Variants in CYP4Z1 observed in about 807,000 individuals in gnomAD.
CYP4Z1 encodes cytochrome P450 family 4 subfamily Z member 1, also known as cytochrome P450 4Z1.
A neutral mutation model predicts 54.2 loss-of-function variants in CYP4Z1; 41 were observed. The ratio of observed to expected loss-of-function variants is 0.76; its 90% CI spans 0.59 to 0.98. The LOEUF is 0.98. CYP4Z1 is among the 50% of genes least tolerant of loss of function. CYP4Z1 has a pLI of 0.00. For missense variants in CYP4Z1, 513 were observed against 599.0 expected, an observed-to-expected ratio of 0.86 and a Z score of 1.50; for synonymous variants, 163 against 206.2, an observed-to-expected ratio of 0.79 and a Z score of 1.79.
At chr1:47,105,995 G>A in intron 8 of CYP4Z1, 133 bp from the exon 9 acceptor site, 4 of 1,085,204 alleles carry the variant, frequency 3.7e-6, no homozygotes, top group Non-Finnish European at 5.3e-6. Context: ...AGACATACTT[G>A]ATACATCTGA....
At chr1:47,085,513 T>A (rs1162047644) in intron 6 of CYP4Z1, among the ~76,000 whole-genome samples, 1 of 152,210 alleles carries the variant, frequency 6.6e-6, no homozygotes, top group Non-Finnish European at 1.5e-5. Context: ...TTTATCTTGA[T>A]AAAATTGGCC....
At chr1:47,106,106 T>TTCC (rs777856214) in intron 8 of CYP4Z1, 22 bp from the exon 9 acceptor site, 1 of 1,602,372 alleles carries the variant, frequency 6.2e-7, no homozygotes, top group East Asian at 2.2e-5. Flanking sequence ...TCCTTTTCCT[T>TTCC]TCCTCCTGTG....
intron 9 of CYP4Z1, among the ~76,000 whole-genome samples, chr1:47,107,324 A>G (rs575827739): frequency 6.6e-6 from 1 of 152,228 alleles, no homozygotes; most frequent in South Asian, 2.1e-4. Context: ...GTGGGACTCT[A>G]GAGTCTGCGC....
At chr1:47,109,292 G>C (rs1644777058) in intron 9 of CYP4Z1, among the ~76,000 whole-genome samples, 1 of 152,126 alleles carries the variant, frequency 6.6e-6, no homozygotes, top group African/African-American at 2.4e-5. Context: ...AACAAGAAGA[G>C]AAATTCCCAG....
chr1:47,091,444 T>A (rs1644637357), intron 6 of CYP4Z1, among the ~76,000 whole-genome samples: 1 of 145,260 alleles, frequency 6.9e-6, no homozygotes, highest in African/African-American at 2.7e-5. Flanking sequence ...TTATAGGAGG[T>A]CCATTGGCGG....
At chr1:47,105,361 T>C (rs867970215) in intron 8 of CYP4Z1, among the ~76,000 whole-genome samples, 119 of 152,108 alleles carry the variant, frequency 7.8e-4, no homozygotes, top group African/African-American at 2.6e-3. Flanking sequence ...GGACCCAGTG[T>C]GAGCTCTCTC....
rs1644471087 is a variant in CYP4Z1 at position 47,068,770 on chromosome 1, A to AC, written c.319+9dup. The AC allele has an allele frequency of 4.3e-6, 7 of 1,613,612 alleles. 2 individuals carry two copies. On this transcript the variant is annotated splice_region_variant and intron_variant, in intron 2 of 11. Coordinates refer to ENST00000334194, the MANE Select transcript of CYP4Z1 (RefSeq NM_178134.3). ...ATTCTCCTGAAAAGACAAGGTAAAAACCAAGAGGGGCTCACAGTACAGAGC... is the reference window on the plus strand; with the variant it reads ...ATTCTCCTGAAAAGACAAGGTAAAAACCCAAGAGGGGCTCACAGTACAGAGC...
chr1:47,115,486 T>G (rs1024530511), intron 9 of CYP4Z1, 43 bp from the exon 10 acceptor site: 12 of 1,523,048 alleles, frequency 7.9e-6, no homozygotes, highest in Non-Finnish European at 9.9e-6. Context: ...AAAGACAGAA[T>G]CTTCGCTCAT....
In CYP4Z1 at chr1:47,116,943, T is replaced by C. The variant is rs558695579; in HGVS notation, c.1349+211T>C. On this transcript the variant is annotated intron_variant, in intron 11 of 11. Coordinates refer to ENST00000334194, the MANE Select transcript of CYP4Z1 (RefSeq NM_178134.3). The stretch of plus-strand genomic sequence containing the variant: ...ATGTTACAAAGAACAACTCTGGTCC[T>C]TGGCATATGGGTGTGAATTGATGAA... 3.1e-3 allele frequency among the ~76,000 whole-genome samples: 479 copies of C among 152,324 alleles called. 25 individuals carry two copies. In the South Asian group the frequency reaches 0.095, roughly 30 times the overall value.
rs529751128 is a variant in CYP4Z1 at position 47,118,085 on chromosome 1, G to C, written c.*151G>C. 2 of 812,306 alleles carry C rather than the reference G, an allele frequency of 2.5e-6. No homozygotes were observed. The allele number at this position is 812,306 out of a possible 1,614,324, so 50.3% of individuals were successfully genotyped here. On this transcript the variant is annotated 3_prime_UTR_variant, in exon 12 of 12. Transcript: ENST00000334194. ...TGACTGGTTTTGACATCCATTAACA[G>C]TAATTTTAATTTCTTTGCTGTATCT...
At position 47,068,701 on chromosome 1, in the gene CYP4Z1, C is replaced by A. The variant is rs781053315; in HGVS notation, c.257C>A (p.Pro86His). ...YPCAVPLWVG[P>H]FTMFFSVHDP... is the part of the protein sequence containing the mutation. ...TGTGCTGTTCCCTTGTGGGTTGGAC[C>A]CTTTACGATGTTCTTCAGTGTCCAT... Residue 86 changes from proline to histidine, a missense_variant, in exon 2 of 12, where the codon CCC becomes CAC. Transcript: ENST00000334194. 4.3e-6 allele frequency: 7 copies of A among 1,614,020 alleles called. No homozygotes were observed. Among genetic ancestry groups the A allele is most frequent in the Admixed American group, 3.3e-5 (2 of 59,990 alleles).
At chr1:47,065,790 A>G (rs12757501), upstream of CYP4Z1, among the ~76,000 whole-genome samples, 1 of 152,176 alleles carries the variant, frequency 6.6e-6, no homozygotes, top group Admixed American at 6.5e-5. Context: ...AGTGAGATTA[A>G]CGAAGTAAAC....
At chr1:47,108,019 C>A (rs1402637243) in intron 9 of CYP4Z1, among the ~76,000 whole-genome samples, 1 of 152,190 alleles carries the variant, frequency 6.6e-6, no homozygotes, top group African/African-American at 2.4e-5. Context: ...CCCTTTCCTC[C>A]AAGTGCCTTC....
chr1:47,117,943 C>T lies in CYP4Z1; in HGVS notation c.*9C>T. On this transcript the variant is annotated 3_prime_UTR_variant, in exon 12 of 12. Transcript: ENST00000334194. ...CAAAAAAAGTTTGCTAATTTTAAGT[C>T]CTTTCGTATAAGAATTAATGAGACA... 2 of 1,611,898 alleles carry T rather than the reference C, an allele frequency of 1.2e-6. No individual in the cohort carries two copies. The highest frequency in any genetic ancestry group is 1.7e-6 in the Non-Finnish European group (2 of 1,178,946).
intron 8 of CYP4Z1, among the ~76,000 whole-genome samples, chr1:47,105,925 G>T (rs888731682): frequency 2.0e-5 from 3 of 151,924 alleles, no homozygotes; most frequent in African/African-American, 4.8e-5. Context: ...CTGCGGGGGG[G>T]GGAGAATCAC....
At chr1:47,111,416 C>G (rs1276724495) in intron 9 of CYP4Z1, among the ~76,000 whole-genome samples, 1 of 152,138 alleles carries the variant, frequency 6.6e-6, no homozygotes, top group Non-Finnish European at 1.5e-5. Flanking sequence ...GTCTCCTGAC[C>G]TTGTGATCCA....
chr1:47,114,628 A>C (rs538843795), intron 9 of CYP4Z1, among the ~76,000 whole-genome samples: 6 of 120,452 alleles, frequency 5.0e-5, no homozygotes, highest in African/African-American at 1.6e-4. Context: ...ATCAACAAGA[A>C]GGTGAAGGAT....
the CYP4Z1 span, among the ~76,000 whole-genome samples, chr1:47,061,413 C>G: frequency 2.6e-5 from 4 of 152,100 alleles, no homozygotes; most frequent in African/African-American, 9.7e-5. Flanking sequence ...CCTCTATGCA[C>G]ACAAACTAGA....
chr1:47,074,142 T>A (rs1302107853), intron 2 of CYP4Z1, among the ~76,000 whole-genome samples: 1 of 152,142 alleles, frequency 6.6e-6, no homozygotes, highest in African/African-American at 2.4e-5. Context: ...GGCATTTGTT[T>A]ATTTATTTAT....
Sources: allele counts gnomAD v4.1 joint callset (sites outside exome capture counted in the v4.1 genomes callset), GRCh38; gene constraint gnomAD v4.1.1; transcripts MANE v1.5; gene names NCBI Gene and HGNC (gene_info 2026-07-23, HGNC 2026-07-21).